NT5C2: variants seen among roughly 807,000 people sequenced by gnomAD.
NT5C2 encodes the protein cytosolic purine 5'-nucleotidase.
NT5C2 carries 58 observed loss-of-function variants against 76.1 expected under a neutral mutation model. The observed-to-expected ratio is 0.76, with a 90% CI of 0.62 to 0.95. The LOEUF is 0.95. Among genes scored for constraint, NT5C2 ranks in the 40% least tolerant of loss-of-function variants. NT5C2 has a pLI of 0.00. For synonymous variants in NT5C2, 229 were observed against 237.4 expected, an observed-to-expected ratio of 0.96 and a Z score of 0.32; for missense variants, 478 against 690.3, an observed-to-expected ratio of 0.69 and a Z score of 3.45.
Position 103,089,928 on chromosome 10 carries a change from A to G in NT5C2, c.1450-20T>C, listed in dbSNP as rs1293612691. ...AGGCATCTAGACAGAAAAAAGCTAG[A>G]GGCTCAGAAAGCAGGCAGAGCAAAG... On this transcript the variant is annotated intron_variant, in intron 18 of 18. Coordinates refer to ENST00000404739, the MANE Select transcript of NT5C2 (RefSeq NM_001351169.2). 1.4e-5 allele frequency: 22 copies of G among 1,562,236 alleles called. No homozygotes were observed. Among genetic ancestry groups the G allele is most frequent in the Non-Finnish European group, 1.9e-5 (22 of 1,153,236 alleles).
rs537259520 is a variant in NT5C2 at position 103,089,678 on chromosome 10, TTCC to T, written c.1677_1679del (p.Glu560del). 2.3e-4 allele frequency: 348 copies of T among 1,539,214 alleles called. 1 individual carries two copies. Among genetic ancestry groups the T allele is most frequent in the African/African-American group, 5.6e-4 (41 of 73,162 alleles). ...GGGGTTTTGGTTTTCCTCCTTATTC[TTCC>T]TCCTCCTCCTCCTCTTCATCATCAT... is the stretch of plus-strand genomic sequence containing the variant. On this transcript the variant is annotated inframe_deletion, in exon 19 of 19. Coordinates refer to ENST00000404739, the MANE Select transcript of NT5C2 (RefSeq NM_001351169.2).
In NT5C2 at chr10:103,174,854, T is replaced by C. The variant is rs1295843334; in HGVS notation, c.101+4A>G. The C allele has an allele frequency of 8.1e-6, 13 of 1,597,986 alleles. No individual in the cohort carries two copies. The highest frequency in any genetic ancestry group is 9.4e-6 in the Non-Finnish European group (11 of 1,165,990). ...TTTGAGGATTAAATAGACAAAATAC[T>C]TACCGATGATAGGCTTCTCGACGAT... is the stretch of plus-strand genomic sequence containing the variant. On this transcript the variant is annotated splice_donor_region_variant and intron_variant, in intron 3 of 18. Transcript: ENST00000404739.
chr10:103,101,342 A>T lies in NT5C2; in HGVS notation c.390-16T>A. 16 of 1,358,676 alleles carry T rather than the reference A, an allele frequency of 1.2e-5. No homozygotes were observed. The highest frequency in any genetic ancestry group is 1.5e-5 in the Non-Finnish European group (14 of 962,676). The allele number at this position is 1,358,676 out of a possible 1,614,324, so 84.2% of individuals were successfully genotyped here. ...AGTTTCTGGTCTGAAAGAAAAATTT[A>T]AAAATTAACTGATTTTTAAAATAAC... On this transcript the variant is annotated splice_polypyrimidine_tract_variant and intron_variant, in intron 6 of 18. Transcript: ENST00000404739.
At chr10:103,157,058 C>T (rs188250103) in intron 3 of NT5C2, among the ~76,000 whole-genome samples, 104 of 148,934 alleles carry the variant, frequency 7.0e-4, no homozygotes, top group Admixed American at 1.3e-3. Context: ...GTATATTACT[C>T]TTATATATAT....
At chr10:103,094,919 A>AT (rs2067831088) in intron 12 of NT5C2, among the ~76,000 whole-genome samples, 1 of 151,988 alleles carries the variant, frequency 6.6e-6, no homozygotes, top group African/African-American at 2.4e-5. Flanking sequence ...ATTATAAGCC[A>AT]TATCCTTTGG....
chr10:103,186,133 C>T (rs755052745), intron 1 of NT5C2, among the ~76,000 whole-genome samples: 1 of 152,138 alleles, frequency 6.6e-6, no homozygotes, highest in African/African-American at 2.4e-5. Context: ...GTTAAGAGTA[C>T]GGATTCTGGA....
At chr10:103,161,955 T>C (rs1480765386) in intron 3 of NT5C2, among the ~76,000 whole-genome samples, 1 of 152,190 alleles carries the variant, frequency 6.6e-6, no homozygotes, top group Non-Finnish European at 1.5e-5. Flanking sequence ...TGTACCACTT[T>C]GTAAATATAC....
chr10:103,190,817 AT>A (rs2092579118), intron 1 of NT5C2, among the ~76,000 whole-genome samples: 1 of 152,178 alleles, frequency 6.6e-6, no homozygotes, highest in Non-Finnish European at 1.5e-5. Context: ...TTCAACAAAA[AT>A]TTACTAAGAG....
At chr10:103,157,836 A>T (rs953227520) in intron 3 of NT5C2, among the ~76,000 whole-genome samples, 1 of 152,190 alleles carries the variant, frequency 6.6e-6, no homozygotes, top group African/African-American at 2.4e-5. Context: ...GCCCTCTGGG[A>T]GGCTGAGGCG....
intron 2 of NT5C2, among the ~76,000 whole-genome samples, chr10:103,177,725 CATT>C (rs1451267535): frequency 1.3e-5 from 2 of 152,268 alleles, no homozygotes; most frequent in East Asian, 3.9e-4. Context: ...GACAGGGTCT[CATT>C]ATGTTGTCCA....
At chr10:103,093,875 A>G in intron 14 of NT5C2, 97 bp downstream of exon 14, 1 of 893,418 alleles carries the variant, frequency 1.1e-6, no homozygotes, top group Non-Finnish European at 1.9e-6. Context: ...ATCTTAGACT[A>G]CTAAACAGTA....
chr10:103,088,732 T>A lies in NT5C2; in HGVS notation c.*940A>T, dbSNP rs1341100060. The A allele has an allele frequency of 5.6e-6, 1 of 178,970 alleles. No homozygotes were observed. Among genetic ancestry groups the A allele is most frequent in the Non-Finnish European group, 1.2e-5 (1 of 83,494 alleles). The allele number at this position is 178,970 out of a possible 1,614,324, so 11.1% of individuals were successfully genotyped here. A position where few individuals can be genotyped will look rare whatever the true frequency, so the allele number is the denominator to read the frequency against. ...GAATTTATTCACACTGATTGTGCCC[T>A]CTACTTTAGTAAGGTTCTGGCTTAC... On this transcript the variant is annotated 3_prime_UTR_variant, in exon 19 of 19. Transcript: ENST00000404739.
At chr10:103,164,820 A>C (rs985566610) in intron 3 of NT5C2, among the ~76,000 whole-genome samples, 7 of 152,230 alleles carry the variant, frequency 4.6e-5, no homozygotes, top group Non-Finnish European at 8.8e-5. Flanking sequence ...TATTTCAATA[A>C]ATCTCAGATC....
chr10:103,112,413 T>G (rs1418549073), intron 4 of NT5C2, among the ~76,000 whole-genome samples: 2 of 152,188 alleles, frequency 1.3e-5, no homozygotes, highest in Non-Finnish European at 2.9e-5. Context: ...GGAAGGAAAT[T>G]TTTAAATTTT....
intron 6 of NT5C2, among the ~76,000 whole-genome samples, chr10:103,103,002 A>G (rs1429299347): frequency 6.6e-6 from 1 of 152,166 alleles, no homozygotes; most frequent in African/African-American, 2.4e-5. Flanking sequence ...TCAAGGTTTA[A>G]AAGAAAAAAG....
At chr10:103,121,541 CA>C (rs1419607029) in intron 4 of NT5C2, among the ~76,000 whole-genome samples, 2 of 152,108 alleles carry the variant, frequency 1.3e-5, no homozygotes, top group Admixed American at 1.3e-4. Context: ...ATTCCAATAA[CA>C]ATAAAACAAG....
intron 3 of NT5C2, chr10:103,146,104 A>G: frequency 1.0e-6 from 1 of 985,412 alleles, no homozygotes; most frequent in Non-Finnish European, 1.2e-6. Flanking sequence ...TCACATAACA[A>G]AATTCTTCGT....
At chr10:103,100,994 G>T in intron 8 of NT5C2, 51 bp downstream of exon 8, 3 of 1,003,718 alleles carry the variant, frequency 3.0e-6, no homozygotes, top group Middle Eastern at 2.2e-4. Flanking sequence ...AAAACCCTGT[G>T]CATTAATTTT....
At position 103,176,482 on chromosome 10, in the gene NT5C2, A is replaced by G. The variant is rs556353638; in HGVS notation, c.-24-1500T>C. ...TGGTGCTTATACTCCCAAACATTGC[A>G]TACCCAGCCTCCCGCCGTTGAGTTT... On this transcript the variant is annotated intron_variant, in intron 2 of 18. Coordinates refer to ENST00000404739, the MANE Select transcript of NT5C2 (RefSeq NM_001351169.2). Among the ~76,000 whole-genome samples the G allele has an allele frequency of 1.8e-3, 268 of 152,264 alleles. 1 individual carries two copies. The highest frequency in any genetic ancestry group is 6.3e-3 in the African/African-American group (261 of 41,552).
Sources: gnomAD v4.1 joint callset for allele counts (sites outside exome capture counted in the v4.1 genomes callset) on GRCh38, gnomAD v4.1.1 for gene constraint, MANE v1.5 for transcripts, NCBI Gene and HGNC (gene_info 2026-07-23, HGNC 2026-07-21) for gene names.